The following EXOC7 variants were observed in gnomAD, a reference collection of about 807,000 sequenced individuals.
EXOC7 encodes exocyst complex component Exo70.
EXOC7 carries 51 observed loss-of-function variants against 87.6 expected under a neutral mutation model. The ratio of observed to expected loss-of-function variants is 0.58; its 90% CI spans 0.46 to 0.73. The LOEUF is 0.73. Among genes scored for constraint, EXOC7 ranks in the 30% least tolerant of loss-of-function variants. The pLI, the probability that EXOC7 is intolerant of heterozygous loss-of-function variation, is 0.00. For synonymous variants in EXOC7, 327 were observed against 357.1 expected (o/e 0.92, Z 0.95); for missense variants, 744 against 888.4 (o/e 0.84, Z 2.07).
intron 8 of EXOC7, 97 bp downstream of exon 8, chr17:76,089,078 A>G: frequency 6.4e-7 from 1 of 1,561,308 alleles, no homozygotes; most frequent in Non-Finnish European, 8.7e-7. Flanking sequence ...TCCCCAGGGC[A>G]CGAGGTGGTG....
At chr17:76,092,119 A>G (rs572886668) in intron 6 of EXOC7, among the ~76,000 whole-genome samples, 4 of 151,948 alleles carry the variant, frequency 2.6e-5, no homozygotes, top group Non-Finnish European at 5.9e-5. Context: ...AACAAAATGT[A>G]TAGGGGCAGA....
chr17:76,084,005 C>A lies in EXOC7; in HGVS notation c.1952+1G>T. 1 of 1,570,152 alleles carries A rather than the reference C, an allele frequency of 6.4e-7. No homozygotes were observed. Among genetic ancestry groups the A allele is most frequent in the Non-Finnish European group, 8.6e-7 (1 of 1,161,610 alleles). On this transcript the variant is annotated splice_donor_variant, in intron 18 of 18. Transcript: ENST00000589210. LOFTEE classifies it high-confidence loss of function. ...GGCTGGGAGGGGAATGGAGGCCTCA[C>A]TTCTGTAGAAAGGCCCCGTAGGTCT...
Position 76,088,882 on chromosome 17 carries a change from C to A in EXOC7, c.1089G>T (p.Val363=). 1 of 1,613,728 alleles carries A rather than the reference C, an allele frequency of 6.2e-7. No individual in the cohort carries two copies. Among genetic ancestry groups the A allele is most frequent in the Non-Finnish European group, 8.5e-7 (1 of 1,180,020 alleles). Residue 363 remains valine, a synonymous_variant, in exon 9 of 19, where the codon GTG becomes GTT. Transcript: ENST00000589210. ...GCACAATGGCCTTCCGGGCAGCAGA[C>A]ACGATGTTCTCCCCTTCAAGCATCA... The part of the protein sequence containing the change: ...DGLMLEGENI[V]SAARKAIVRH...
rs767826167 is a variant in EXOC7 at position 76,081,419 on chromosome 17, G to C, written c.*2229C>G. The C allele has an allele frequency of 9.3e-6, 15 of 1,613,778 alleles. No individual in the cohort carries two copies. Among genetic ancestry groups the C allele is most frequent in the Non-Finnish European group, 1.3e-5 (15 of 1,179,960 alleles). On this transcript the variant is annotated 3_prime_UTR_variant, in exon 19 of 19. Coordinates refer to ENST00000589210, the MANE Select transcript of EXOC7 (RefSeq NM_001013839.4). ...CAGGTGACGGTGAGTCAAGTCGGGA[G>C]GAGGCCGACAGAGGGCTGCTGGAGG... is the stretch of plus-strand genomic sequence containing the variant.
chr17:76,082,532 T>C lies in EXOC7; in HGVS notation c.*1116A>G, dbSNP rs1199875943. On this transcript the variant is annotated 3_prime_UTR_variant, in exon 19 of 19. Coordinates refer to ENST00000589210, the MANE Select transcript of EXOC7 (RefSeq NM_001013839.4). Reference sequence around the variant, plus strand: ...ACTGCTGACCGCATCTTCTTCCTCGTGTATGTGGTTGGGGTGCTGTGCACC... The same window carrying C: ...ACTGCTGACCGCATCTTCTTCCTCGCGTATGTGGTTGGGGTGCTGTGCACC... 1.2e-6 allele frequency: 2 copies of C among 1,613,676 alleles called. No individual in the cohort carries two copies. Among genetic ancestry groups the C allele is most frequent in the Non-Finnish European group, 8.5e-7 (1 of 1,179,930 alleles).
chr17:76,103,462 C>A, intron 1 of EXOC7, 36 bp from the exon 2 acceptor site: 1 of 1,575,728 alleles, frequency 6.3e-7, no homozygotes. Context: ...CACCAGAAAC[C>A]AGAAGCTAAA....
intron 12 of EXOC7, chr17:76,086,777 T>C (rs2067231290): frequency 7.4e-7 from 1 of 1,346,642 alleles, no homozygotes; most frequent in Non-Finnish European, 1.0e-6. Context: ...CAGTAGGTAC[T>C]GAGAGTCAGT....
At chr17:76,102,261 C>G (rs764426680) in intron 2 of EXOC7, among the ~76,000 whole-genome samples, 1 of 152,150 alleles carries the variant, frequency 6.6e-6, no homozygotes, top group Non-Finnish European at 1.5e-5. Context: ...AAAACCCTCT[C>G]TAAGGATGAA....
chr17:76,100,917 G>A (rs902857569), intron 4 of EXOC7: 1 of 159,510 alleles, frequency 6.3e-6, no homozygotes, highest in African/African-American at 2.4e-5. Context: ...GGAGGCAGAG[G>A]TTGCAGTGAG....
rs763840939 is a variant in EXOC7 at position 76,082,368 on chromosome 17, AAGCGATAC to A, written c.*1272_*1279del. The A allele has an allele frequency of 1.4e-5, 18 of 1,295,290 alleles. No individual in the cohort carries two copies. The highest frequency in any genetic ancestry group is 1.9e-5 in the Non-Finnish European group (18 of 941,136). The allele number at this position is 1,295,290 out of a possible 1,614,324, so 80.2% of individuals were successfully genotyped here. A position where few individuals can be genotyped will look rare whatever the true frequency, so the allele number is the denominator to read the frequency against. On this transcript the variant is annotated 3_prime_UTR_variant, in exon 19 of 19. Coordinates refer to ENST00000589210, the MANE Select transcript of EXOC7 (RefSeq NM_001013839.4). ...TCATCAGCTGAGAATCTAAGAAAGGAAGCGATACAGGCTGATGACCCCTGGGGTTCGCT... is the reference window on the plus strand; with the variant it reads ...TCATCAGCTGAGAATCTAAGAAAGGAAGGCTGATGACCCCTGGGGTTCGCT...
At position 76,102,423 on chromosome 17, in the gene EXOC7, C is replaced by CAG. The variant is rs1424021473; in HGVS notation, c.127-561_127-560insCT. Among the ~76,000 whole-genome samples, 4 of 111,974 alleles carry CAG rather than the reference C, an allele frequency of 3.6e-5. No individual in the cohort carries two copies. The South Asian group carries it at 6.7e-4, about 19-fold the overall frequency. The allele number at this position is 111,974 out of a possible 152,430, so 73.5% of individuals were successfully genotyped here. On this transcript the variant is annotated intron_variant, in intron 2 of 18. Transcript: ENST00000589210. ...GACCCTGTCTACACACACAGACACA[C>CAG]ACACACACACACACACACACACACA...
At chr17:76,086,860 G>T in intron 12 of EXOC7, 2 of 1,551,298 alleles carry the variant, frequency 1.3e-6, no homozygotes, top group Non-Finnish European at 1.7e-6. Flanking sequence ...TTACCTCGGG[G>T]GTCTAAAGGA....
At position 76,101,847 on chromosome 17, in the gene EXOC7, G is replaced by A; in HGVS notation, c.143C>T (p.Ser48Phe). 1 of 1,613,184 alleles carries A rather than the reference G, an allele frequency of 6.2e-7. No homozygotes were observed. Among genetic ancestry groups the A allele is most frequent in the Admixed American group, 1.7e-5 (1 of 59,914 alleles). The change falls in exon 3 of 19, where the codon TCC becomes TTC. Residue 48 changes from serine (S) to phenylalanine (F), a missense_variant. Physicochemically the swap from Ser to Phe is radical, Grantham distance 155. Around this residue, in one of 3 missense-constraint regions of EXOC7, gnomAD observed 512 missense variants for 573.0 expected, o/e 0.89. Transcript: ENST00000589210. The part of the protein sequence containing the change: ...LTKNMVSILS[S>F]FESRLMKLEN... Reference sequence around the variant, plus strand: ...CAGCTTCATAAGGCGGCTCTCAAAGGATGATAAGATAGACACCTGCGGGAG... The same window carrying A: ...CAGCTTCATAAGGCGGCTCTCAAAGAATGATAAGATAGACACCTGCGGGAG...
intron 7 of EXOC7, chr17:76,089,527 T>C: frequency 1.6e-6 from 1 of 610,366 alleles, no homozygotes; most frequent in Non-Finnish European, 2.9e-6. Context: ...CAGCCTTTGT[T>C]CTGGCTTCAT....
In EXOC7 at chr17:76,097,931, G is replaced by T; in HGVS notation, c.505C>A (p.Leu169Ile). The T allele has an allele frequency of 6.2e-7, 1 of 1,614,062 alleles. No homozygotes were observed. Among genetic ancestry groups the T allele is most frequent in the Non-Finnish European group, 8.5e-7 (1 of 1,180,022 alleles). ...TCACCACTGATCAGATCCAAGATGA[G>T]CACGGGCGAGACGACCTTACTGTGC... Reference protein sequence around the residue: ...TRHSKVVSPVLILDLISGDDD... With the variant: ...TRHSKVVSPVIILDLISGDDD... The change falls in exon 5 of 19, where the codon CTC (leucine) becomes ATC (isoleucine). Residue 169 changes from leucine to isoleucine, a missense_variant. Physicochemically the swap from Leu to Ile is conservative, Grantham distance 5. This residue lies in a region of EXOC7 where 512 missense variants were observed against 573.0 expected (regional missense o/e 0.89). Coordinates refer to ENST00000589210, the MANE Select transcript of EXOC7 (RefSeq NM_001013839.4).
At chr17:76,087,548 C>G (rs1178914842) in intron 12 of EXOC7, 106 bp downstream of exon 12, 2 of 1,151,988 alleles carry the variant, frequency 1.7e-6, no homozygotes, top group African/African-American at 1.5e-5. Context: ...CACCTCAACC[C>G]CTCCACAGAC....
At chr17:76,092,063 G>C (rs138862693) in intron 6 of EXOC7, among the ~76,000 whole-genome samples, 1 of 152,116 alleles carries the variant, frequency 6.6e-6, no homozygotes, top group Admixed American at 6.6e-5. Context: ...AGAAGACGTC[G>C]GGAAATCAAC....
intron 9 of EXOC7, 33 bp from the exon 10 acceptor site, chr17:76,088,595 T>G (rs1408017916): frequency 6.2e-7 from 1 of 1,604,736 alleles, no homozygotes; most frequent in South Asian, 1.1e-5. Flanking sequence ...CCAGCTCACC[T>G]CCAGTCGCTC....
At chr17:76,090,958 C>A in intron 7 of EXOC7, 185 bp downstream of exon 7, 1 of 635,960 alleles carries the variant, frequency 1.6e-6, no homozygotes, top group Non-Finnish European at 2.8e-6. Flanking sequence ...CAGAGAGGAC[C>A]AGGCCGAGGG....
Sources: gnomAD v4.1 joint callset for allele counts (sites outside exome capture counted in the v4.1 genomes callset) on GRCh38, gnomAD v4.1.1 for gene constraint, gnomAD v4.1.1 regional missense constraint, MANE v1.5 for transcripts, NCBI Gene and HGNC (gene_info 2026-07-23, HGNC 2026-07-21) for gene names.